BOLL: variants seen among roughly 807,000 people sequenced by gnomAD.
BOLL encodes boule RNA binding protein.
In BOLL, 23 loss-of-function variants were observed where a neutral mutation model predicts 44.4. The ratio of observed to expected loss-of-function variants is 0.52; its 90% CI spans 0.37 to 0.73. The LOEUF is 0.73. Among genes scored for constraint, BOLL ranks in the 30% least tolerant of loss-of-function variants. BOLL has a pLI of 0.00. For missense variants in BOLL, 287 were observed against 338.3 expected, an observed-to-expected ratio of 0.85 and a Z score of 1.19; for synonymous variants, 97 against 110.8, an observed-to-expected ratio of 0.88 and a Z score of 0.78.
chr2:197,772,140 AG>A (rs1689296666), intron 5 of BOLL, among the ~76,000 whole-genome samples, 158 bp from the exon 6 acceptor site: 1 of 152,188 alleles, frequency 6.6e-6, no homozygotes, highest in East Asian at 1.9e-4. Flanking sequence ...CTTATGTCAA[AG>A]TATCTTTGAA....
chr2:197,777,884 A>G (rs780086972), intron 3 of BOLL, among the ~76,000 whole-genome samples: 1 of 151,966 alleles, frequency 6.6e-6, no homozygotes, highest in African/African-American at 2.4e-5. Flanking sequence ...TAATTACTGG[A>G]TCATATACAA....
intron 9 of BOLL, among the ~76,000 whole-genome samples, chr2:197,744,339 A>G (rs192395850): frequency 8.3e-4 from 127 of 152,354 alleles, no homozygotes; most frequent in African/African-American, 2.9e-3. Context: ...AATCAAATAC[A>G]AAATCTGCTT....
At chr2:197,740,980 ATATGAACTT>A (rs1687704605) in intron 10 of BOLL, among the ~76,000 whole-genome samples, 1 of 152,100 alleles carries the variant, frequency 6.6e-6, no homozygotes, top group Non-Finnish European at 1.5e-5. Flanking sequence ...TTTTGGTTCC[ATATGAACTT>A]TAAAGTAGTT....
intron 9 of BOLL, among the ~76,000 whole-genome samples, chr2:197,747,935 T>C (rs1190232009): frequency 6.6e-6 from 1 of 152,160 alleles, no homozygotes; most frequent in African/African-American, 2.4e-5. Flanking sequence ...GTTTAATAAA[T>C]GGTGCTGGGG....
rs540651021 is a variant in BOLL at position 197,777,251 on chromosome 2, G to A, written c.222-138C>T. On this transcript the variant is annotated intron_variant, in intron 3 of 10. Coordinates refer to ENST00000392296, the MANE Select transcript of BOLL (RefSeq NM_033030.6). ...GCATGTTTCTATGCTGCACTAGCAT[G>A]GGAATCTTAGAAGAATCATTCACAG... 296 of 441,290 alleles carry A rather than the reference G, an allele frequency of 6.7e-4. 6 individuals are homozygous for A. The South Asian group carries it at 9.5e-3, about 14-fold the overall frequency. 27.3% of individuals were successfully genotyped at this position (441,290 alleles called of 1,614,324 possible).
At chr2:197,772,696 C>A (rs538861503) in intron 5 of BOLL, among the ~76,000 whole-genome samples, 2 of 152,026 alleles carry the variant, frequency 1.3e-5, no homozygotes, top group South Asian at 4.1e-4. Flanking sequence ...AACCAAAAAA[C>A]AGTAAATAAT....
At chr2:197,736,844 A>G (rs1687517130) in intron 10 of BOLL, among the ~76,000 whole-genome samples, 1 of 152,048 alleles carries the variant, frequency 6.6e-6, no homozygotes, top group South Asian at 2.1e-4. Flanking sequence ...TTTCTTGAGA[A>G]TTACTATTTT....
intron 7 of BOLL, 99 bp downstream of exon 7, chr2:197,766,433 G>T (rs934888269): frequency 4.0e-6 from 4 of 991,136 alleles, no homozygotes; most frequent in Non-Finnish European, 6.3e-6. Context: ...CTATCTCTTT[G>T]TAATTAGCAA....
chr2:197,785,188 C>T lies in BOLL; in HGVS notation c.-148G>A, dbSNP rs973911724. The T allele has an allele frequency of 1.4e-5, 14 of 985,830 alleles. No individual in the cohort carries two copies. The highest frequency in any genetic ancestry group is 1.7e-5 in the African/African-American group (1 of 57,228). The allele number at this position is 985,830 out of a possible 1,614,324, so 61.1% of individuals were successfully genotyped here. On this transcript the variant is annotated 5_prime_UTR_variant, in exon 1 of 11. Transcript: ENST00000392296. The surrounding 1 kb of genome is among the most constrained non-coding windows in gnomAD (Gnocchi z 6.7). Reference sequence around the variant, plus strand: ...GAACTTGGGCACCGAAACGAGGATCCACCCCCTCCCCACCAAAGTGCGGGA... The same window carrying T: ...GAACTTGGGCACCGAAACGAGGATCTACCCCCTCCCCACCAAAGTGCGGGA...
chr2:197,780,047 A>G (rs1345475169), intron 2 of BOLL, among the ~76,000 whole-genome samples: 1 of 152,046 alleles, frequency 6.6e-6, no homozygotes, highest in Non-Finnish European at 1.5e-5. Context: ...GAAAAACTGA[A>G]TGACTTTTAT....
chr2:197,769,111 T>C (rs982540216), intron 6 of BOLL, among the ~76,000 whole-genome samples: 4 of 151,944 alleles, frequency 2.6e-5, no homozygotes, highest in African/African-American at 9.7e-5. Flanking sequence ...AGGATATTGG[T>C]CTAAAATTCT....
intron 9 of BOLL, among the ~76,000 whole-genome samples, chr2:197,746,691 A>T (rs1416794708): frequency 2.0e-5 from 3 of 151,774 alleles, no homozygotes; most frequent in African/African-American, 7.3e-5. Flanking sequence ...CATGAGGTCA[A>T]GAAATCGAGA....
At chr2:197,782,846 A>G (rs1434091526) in intron 1 of BOLL, among the ~76,000 whole-genome samples, 2 of 152,340 alleles carry the variant, frequency 1.3e-5, no homozygotes, top group East Asian at 1.9e-4. Flanking sequence ...AAAAAATTAT[A>G]TACTTGTAGC....
chr2:197,767,486 T>C (rs1383651413), intron 6 of BOLL, among the ~76,000 whole-genome samples: 6 of 151,868 alleles, frequency 4.0e-5, no homozygotes, highest in Non-Finnish European at 8.8e-5. Context: ...GGAGAAAAAA[T>C]GGTAATTTCA....
intron 7 of BOLL, among the ~76,000 whole-genome samples, chr2:197,765,402 G>A (rs531915880): frequency 5.3e-5 from 8 of 151,438 alleles, no homozygotes; most frequent in Non-Finnish European, 8.8e-5. Flanking sequence ...GGAGGAATAA[G>A]TTCTAATGTT....
intron 8 of BOLL, 62 bp from the exon 9 acceptor site, chr2:197,756,618 A>T (rs1217564714): frequency 1.2e-5 from 17 of 1,445,784 alleles, no homozygotes; most frequent in Non-Finnish European, 1.6e-5. Context: ...AAACCAAATG[A>T]CTTAGCCAAC....
At chr2:197,741,116 T>C (rs1267627606) in intron 10 of BOLL, among the ~76,000 whole-genome samples, 1 of 152,186 alleles carries the variant, frequency 6.6e-6, no homozygotes, top group East Asian at 1.9e-4. Flanking sequence ...CCCGTGAGCA[T>C]GGAATGTTCT....
intron 10 of BOLL, among the ~76,000 whole-genome samples, chr2:197,729,144 G>A (rs1429439763): frequency 6.6e-6 from 1 of 152,212 alleles, no homozygotes; most frequent in African/African-American, 2.4e-5. Context: ...GAAGCAGGGC[G>A]AGGCATTGCC....
At chr2:197,754,774 C>T (rs1025813466) in intron 9 of BOLL, among the ~76,000 whole-genome samples, 1 of 99,692 alleles carries the variant, frequency 1.0e-5, no homozygotes, top group Admixed American at 9.5e-5. Flanking sequence ...CACACACACA[C>T]ACACACACAC....
Sources: allele counts gnomAD v4.1 joint callset (sites outside exome capture counted in the v4.1 genomes callset), GRCh38; gene constraint gnomAD v4.1.1; non-coding constraint Gnocchi (gnomAD v3.1); transcripts MANE v1.5; gene names NCBI Gene and HGNC (gene_info 2026-07-23, HGNC 2026-07-21).